Variants in EYS observed in about 807,000 individuals in gnomAD.
EYS encodes the protein protein eyes shut homolog.
EYS carries 250 observed loss-of-function variants against 282.1 expected under a neutral mutation model. That is an observed-to-expected ratio of 0.89 (90% confidence interval 0.80 to 0.98). EYS has a LOEUF of 0.98. EYS is among the 50% of genes least tolerant of loss of function. EYS has a pLI of 0.00. For synonymous variants in EYS, 1,355 were observed against 1,282.9 expected (o/e 1.06, Z -1.20); for missense variants, 4,016 against 3,709.0 (o/e 1.08, Z -2.15).
intron 22 of EYS, among the ~76,000 whole-genome samples, chr6:64,636,206 T>G (rs1767974980): frequency 6.6e-6 from 1 of 152,132 alleles, no homozygotes; most frequent in Admixed American, 6.6e-5. Context: ...AAGGCTACAG[T>G]AACCAAAACA....
chr6:64,612,965 G>A (rs1339834449), intron 24 of EYS, among the ~76,000 whole-genome samples: 1 of 152,084 alleles, frequency 6.6e-6, no homozygotes, highest in East Asian at 1.9e-4. Context: ...TTAATGTGAA[G>A]AGAATTGCTA....
chr6:65,330,435 TC>T (rs1355470872), intron 11 of EYS: 1 of 984,182 alleles, frequency 1.0e-6, no homozygotes, highest in Non-Finnish European at 1.2e-6. Context: ...ACTTAGCAAA[TC>T]TTTCCTGGTC....
rs377411256 is a variant in EYS at position 64,769,955 on chromosome 6, A to G, written c.3443+43423T>C. 1.2e-4 allele frequency among the ~76,000 whole-genome samples: 18 copies of G among 152,100 alleles called. No homozygotes were observed. In the East Asian group the frequency reaches 3.1e-3, roughly 26 times the overall value. ...TATGTATATATATACACACACACAT[A>G]CAGATGTAAATATATATAAATATAA... On this transcript the variant is annotated intron_variant, in intron 22 of 42. Transcript: ENST00000503581.
chr6:65,285,875 G>T (rs1768348817), intron 12 of EYS, among the ~76,000 whole-genome samples: 1 of 151,772 alleles, frequency 6.6e-6, no homozygotes, highest in South Asian at 2.1e-4. Context: ...AGTTCCCCAG[G>T]TATTGTAGGA....
At chr6:65,566,113 A>C (rs1485223274) in intron 2 of EYS, among the ~76,000 whole-genome samples, 1 of 151,636 alleles carries the variant, frequency 6.6e-6, no homozygotes, top group Non-Finnish European at 1.5e-5. Flanking sequence ...AAAAGAATTG[A>C]GCAAACATAT....
At chr6:65,411,420 T>A (rs1767007064) in intron 5 of EYS, among the ~76,000 whole-genome samples, 1 of 152,118 alleles carries the variant, frequency 6.6e-6, no homozygotes, top group Non-Finnish European at 1.5e-5. Context: ...AATTACAAAG[T>A]TAATACCAGG....
At chr6:65,016,643 A>T (rs1315024905) in intron 13 of EYS, among the ~76,000 whole-genome samples, 1 of 152,208 alleles carries the variant, frequency 6.6e-6, no homozygotes, top group Non-Finnish European at 1.5e-5. Flanking sequence ...AATAAAGTAG[A>T]ATCAAGTCAT....
chr6:64,273,077 C>G (rs1412933006), intron 30 of EYS, among the ~76,000 whole-genome samples: 1 of 151,942 alleles, frequency 6.6e-6, no homozygotes, highest in Non-Finnish European at 1.5e-5. Context: ...TTTATTTTAT[C>G]TTACTGCACT....
intron 19 of EYS, among the ~76,000 whole-genome samples, chr6:64,886,431 C>G (rs1767089120): frequency 6.6e-6 from 1 of 151,504 alleles, no homozygotes; most frequent in South Asian, 2.1e-4. Flanking sequence ...TATATTATAG[C>G]CATGCAAACT....
At chr6:63,723,518 A>T (rs939471420) in intron 42 of EYS, among the ~76,000 whole-genome samples, 2 of 152,220 alleles carry the variant, frequency 1.3e-5, no homozygotes, top group Admixed American at 6.5e-5. Context: ...ACATTAGAAT[A>T]AAAAATATCT....
At chr6:64,282,451 G>A (rs767191501) in intron 30 of EYS, among the ~76,000 whole-genome samples, 1 of 152,078 alleles carries the variant, frequency 6.6e-6, no homozygotes, top group Non-Finnish European at 1.5e-5. Flanking sequence ...TCTCAGAATT[G>A]GTATTAGTTC....
Position 65,077,740 on chromosome 6 carries a change from C to A in EYS, c.2024-20013G>T, listed in dbSNP as rs763584143. 9.2e-4 allele frequency among the ~76,000 whole-genome samples: 140 copies of A among 151,848 alleles called. 1 individual carries two copies. Among genetic ancestry groups the A allele is most frequent in the Non-Finnish European group, 2.0e-3 (133 of 67,944 alleles). On this transcript the variant is annotated intron_variant, in intron 12 of 42. Coordinates refer to ENST00000503581, the MANE Select transcript of EYS (RefSeq NM_001142800.2). The stretch of plus-strand genomic sequence containing the variant: ...CAGAATTTCTTATAAACACATTTTA[C>A]CAAAAGTCAAAAAATCATGGCAATT...
At chr6:64,275,796 A>C in intron 30 of EYS, among the ~76,000 whole-genome samples, 1 of 69,982 alleles carries the variant, frequency 1.4e-5, no homozygotes, top group Non-Finnish European at 3.0e-5. Flanking sequence ...TCTACTAAAA[A>C]AATAAAATAA....
chr6:64,724,292 C>T (rs531443171), intron 22 of EYS, among the ~76,000 whole-genome samples: 35 of 152,144 alleles, frequency 2.3e-4, no homozygotes, highest in Non-Finnish European at 4.9e-4. Context: ...AAAGCATGTG[C>T]AGTTTTGACA....
At chr6:64,080,262 G>A (rs1024577811) in intron 32 of EYS, among the ~76,000 whole-genome samples, 17 of 152,310 alleles carry the variant, frequency 1.1e-4, no homozygotes, top group African/African-American at 3.8e-4. Flanking sequence ...TAACTGGTGT[G>A]AGATGGTATC....
At chr6:64,762,079 A>G (rs1773178336) in intron 22 of EYS, among the ~76,000 whole-genome samples, 1 of 152,240 alleles carries the variant, frequency 6.6e-6, no homozygotes, top group African/African-American at 2.4e-5. Context: ...CAAAGAAATG[A>G]TAAGTATGTG....
At position 64,299,478 on chromosome 6, in the gene EYS, G is replaced by A. The variant is rs574486090; in HGVS notation, c.6191+7492C>T. On this transcript the variant is annotated intron_variant, in intron 30 of 42. Transcript: ENST00000503581. ...GTCAGACCCCAGCAGGTGGTGCCTCGTGTGAGGAACGCTGCAACGGACTGG... is the reference window on the plus strand; with the variant it reads ...GTCAGACCCCAGCAGGTGGTGCCTCATGTGAGGAACGCTGCAACGGACTGG... Among the ~76,000 whole-genome samples the A allele has an allele frequency of 1.4e-4, 21 of 152,268 alleles. No homozygotes were observed. In the South Asian group the frequency reaches 2.3e-3, roughly 17 times the overall value.
At chr6:65,049,628 C>T (rs780255294) in intron 13 of EYS, among the ~76,000 whole-genome samples, 12 of 151,694 alleles carry the variant, frequency 7.9e-5, no homozygotes, top group Admixed American at 1.3e-4. Context: ...AAAACAATAG[C>T]GTTGTTATTA....
At chr6:64,052,060 A>G (rs1013078861) in intron 33 of EYS, among the ~76,000 whole-genome samples, 18 of 152,288 alleles carry the variant, frequency 1.2e-4, no homozygotes, top group African/African-American at 3.1e-4. Flanking sequence ...GAACTACATT[A>G]TTGTTAATGT....
Sources: gnomAD v4.1 joint callset for allele counts (sites outside exome capture counted in the v4.1 genomes callset) on GRCh38, gnomAD v4.1.1 for gene constraint, MANE v1.5 for transcripts, NCBI Gene and HGNC (gene_info 2026-07-23, HGNC 2026-07-21) for gene names.